The following REDIC1 variants were observed in gnomAD, a reference collection of about 807,000 sequenced individuals.
The protein encoded by REDIC1 is HEI10 Interacting Protein 1.
chr12:39,658,743 AT>A, the REDIC1 span, among the ~76,000 whole-genome samples: 1 of 151,808 alleles, frequency 6.6e-6, no homozygotes, highest in Non-Finnish European at 1.5e-5. Context: ...TTTATTATTG[AT>A]TGCTTTAGAC....
chr12:39,652,300 T>C, the REDIC1 span, among the ~76,000 whole-genome samples: 1 of 152,106 alleles, frequency 6.6e-6, no homozygotes, highest in African/African-American at 2.4e-5. Context: ...TGTTTAAGTT[T>C]AAAAAAACTA....
At chr12:39,812,438 T>A in the REDIC1 span, among the ~76,000 whole-genome samples, 1 of 150,912 alleles carries the variant, frequency 6.6e-6, no homozygotes, top group East Asian at 1.9e-4. Flanking sequence ...TCCTTCCTTT[T>A]CTTTCTTCTC....
chr12:39,893,740 T>G, the REDIC1 span, among the ~76,000 whole-genome samples: 2 of 152,236 alleles, frequency 1.3e-5, no homozygotes, highest in Non-Finnish European at 2.9e-5. Context: ...TGGTCTTAGT[T>G]TCTTCATTTT....
the REDIC1 span, among the ~76,000 whole-genome samples, chr12:39,739,691 A>C: frequency 6.6e-6 from 1 of 152,178 alleles, no homozygotes; most frequent in African/African-American, 2.4e-5. Flanking sequence ...CACAAAAACC[A>C]AATGCAGTAC....
At chr12:39,899,188 C>T in the REDIC1 span, among the ~76,000 whole-genome samples, 2 of 152,152 alleles carry the variant, frequency 1.3e-5, no homozygotes, top group Admixed American at 6.6e-5. Context: ...AGAGATTGAA[C>T]TTCTTCCTGG....
chr12:39,764,454 T>C, the REDIC1 span: 1 of 1,560,424 alleles, frequency 6.4e-7, no homozygotes, highest in Non-Finnish European at 8.6e-7. Flanking sequence ...AAAAATATTA[T>C]CTTACCATAG....
chr12:39,748,853 G>T, the REDIC1 span, among the ~76,000 whole-genome samples: 1 of 152,128 alleles, frequency 6.6e-6, no homozygotes, highest in African/African-American at 2.4e-5. Context: ...CAGAAATAAA[G>T]ATGTTCTTTG....
At chr12:39,708,779 TA>T in the REDIC1 span, among the ~76,000 whole-genome samples, 1 of 151,910 alleles carries the variant, frequency 6.6e-6, no homozygotes, top group African/African-American at 2.4e-5. Context: ...TATCTTTTTA[TA>T]AATGTTTAAT....
At chr12:39,696,766 GA>G in the REDIC1 span, among the ~76,000 whole-genome samples, 84 of 152,004 alleles carry the variant, frequency 5.5e-4, no homozygotes, top group African/African-American at 2.0e-3. Context: ...TTCTAGAGCT[GA>G]AAAATGCAAT....
chr12:39,860,770 T>A, the REDIC1 span, among the ~76,000 whole-genome samples: 1 of 152,216 alleles, frequency 6.6e-6, no homozygotes, highest in Non-Finnish European at 1.5e-5. Context: ...TCTGTCTACC[T>A]GCTTATCTCC....
chr12:39,646,899 T>C, the REDIC1 span: 8 of 1,570,134 alleles, frequency 5.1e-6, no homozygotes, highest in Non-Finnish European at 6.9e-6. Flanking sequence ...GTGAGATTTT[T>C]AAAAAAATTC....
At chr12:39,831,665 A>G in the REDIC1 span, among the ~76,000 whole-genome samples, 4 of 152,004 alleles carry the variant, frequency 2.6e-5, no homozygotes, top group East Asian at 7.7e-4. Flanking sequence ...TCATGGGGGA[A>G]AGATCCCTCA....
chr12:39,682,864 A>C, the REDIC1 span: 1 of 1,612,560 alleles, frequency 6.2e-7, no homozygotes, highest in East Asian at 2.2e-5. Flanking sequence ...AGATGAGCAA[A>C]GGATAAAGAA....
At chr12:39,710,056 T>A in the REDIC1 span, among the ~76,000 whole-genome samples, 3 of 151,890 alleles carry the variant, frequency 2.0e-5, no homozygotes, top group African/African-American at 7.2e-5. Context: ...GATATAGATC[T>A]TTTTAAATGG....
At chr12:39,632,858 A>G in the REDIC1 span, among the ~76,000 whole-genome samples, 1 of 152,204 alleles carries the variant, frequency 6.6e-6, no homozygotes, top group African/African-American at 2.4e-5. Context: ...TACCATATAA[A>G]ACATGAATGG....
chr12:39,713,234 GTA>G, the REDIC1 span, among the ~76,000 whole-genome samples: 3 of 122,190 alleles, frequency 2.5e-5, no homozygotes. Flanking sequence ...ACATATACGT[GTA>G]TATATGTGTA....
At chr12:39,831,253 G>A in the REDIC1 span, among the ~76,000 whole-genome samples, 4 of 152,122 alleles carry the variant, frequency 2.6e-5, no homozygotes, top group East Asian at 1.9e-4. Context: ...TCATTTTAAC[G>A]ATGAGAGCTG....
the REDIC1 span, among the ~76,000 whole-genome samples, chr12:39,838,840 C>T: frequency 7.9e-5 from 12 of 152,128 alleles, no homozygotes; most frequent in East Asian, 3.9e-4. Flanking sequence ...CTCTGCAAAA[C>T]GGTCCATTTG....
At chr12:39,735,180 G>T in the REDIC1 span, among the ~76,000 whole-genome samples, 1 of 152,196 alleles carries the variant, frequency 6.6e-6, no homozygotes, top group South Asian at 2.1e-4. Context: ...TTAGGACTAG[G>T]TGGTGGTCTG....
Sources: allele counts gnomAD v4.1 joint callset (sites outside exome capture counted in the v4.1 genomes callset), GRCh38; gene constraint gnomAD v4.1.1; transcripts MANE v1.5; gene names NCBI Gene and HGNC (gene_info 2026-07-23, HGNC 2026-07-21).